CLVS1: variants seen among roughly 807,000 people sequenced by gnomAD.
CLVS1 encodes the protein clavesin-1.
A neutral mutation model predicts 33.1 loss-of-function variants in CLVS1; 10 were observed. The observed-to-expected ratio is 0.30, with a 90% confidence interval of 0.19 to 0.51. The LOEUF (loss-of-function observed/expected upper bound fraction) is 0.51, where lower values mean the gene tolerates loss of function less well. CLVS1 is among the 20% of genes least tolerant of loss of function. The pLI, the probability that CLVS1 is intolerant of heterozygous loss-of-function variation, is 0.97. For missense variants in CLVS1, 343 were observed against 433.4 expected, an observed-to-expected ratio of 0.79 and a Z score of 1.85; for synonymous variants, 163 against 166.1, an observed-to-expected ratio of 0.98 and a Z score of 0.14.
At chr8:61,317,568 A>G (rs911249736) in intron 2 of CLVS1, among the ~76,000 whole-genome samples, 1 of 152,100 alleles carries the variant, frequency 6.6e-6, no homozygotes, top group Non-Finnish European at 1.5e-5. Context: ...TTCCATCTCT[A>G]TTTCCACCAG....
chr8:60,984,895 A>C, the CLVS1 span, among the ~76,000 whole-genome samples: 1 of 152,118 alleles, frequency 6.6e-6, no homozygotes, highest in African/African-American at 2.4e-5. Flanking sequence ...TTCTTTCCCA[A>C]ATCCCTCCTC....
intron 5 of CLVS1, among the ~76,000 whole-genome samples, chr8:61,479,920 T>C (rs1024701980): frequency 6.6e-6 from 1 of 152,238 alleles, no homozygotes; most frequent in African/African-American, 2.4e-5. Context: ...CCGCAAATGC[T>C]GCTGCCTGAT....
At chr8:61,272,393 G>C (rs1251597218) in intron 2 of CLVS1, among the ~76,000 whole-genome samples, 4 of 152,118 alleles carry the variant, frequency 2.6e-5, no homozygotes, top group Non-Finnish European at 5.9e-5. Flanking sequence ...CCCTTTGAGG[G>C]TAACCCGACC....
the CLVS1 span, among the ~76,000 whole-genome samples, chr8:60,971,600 A>G: frequency 6.6e-6 from 1 of 151,996 alleles, no homozygotes; most frequent in Non-Finnish European, 1.5e-5. Context: ...TTGTTTACAC[A>G]TGTTTATTGG....
rs140704831 is a variant in CLVS1, at chr8:61,402,646, T to G, written c.630+25867T>G. On this transcript the variant is annotated intron_variant, in intron 3 of 5. Transcript: ENST00000325897. ...GACTCGTTTGTTAACAATTATTGTG[T>G]GCTAACAATATTCTAGGTACTGGGC... is the stretch of plus-strand genomic sequence containing the variant. Among the ~76,000 whole-genome samples, 432 of 152,354 alleles carry G rather than the reference T, an allele frequency of 2.8e-3. 1 individual carries two copies. The highest frequency in any genetic ancestry group is 9.9e-3 in the African/African-American group (413 of 41,584).
intron 1 of CLVS1, among the ~76,000 whole-genome samples, chr8:61,097,721 G>A (rs1327874922): frequency 6.6e-6 from 1 of 152,142 alleles, no homozygotes; most frequent in Non-Finnish European, 1.5e-5. Flanking sequence ...TGGAGGGTGG[G>A]ATCTGCTATT....
intron 3 of CLVS1, among the ~76,000 whole-genome samples, chr8:61,400,612 A>C (rs987592781): frequency 6.6e-6 from 1 of 152,210 alleles, no homozygotes; most frequent in East Asian, 1.9e-4. Context: ...TCTTGTGCCA[A>C]CTTTCAAGGG....
At chr8:61,055,035 A>T (rs1804452259), upstream of CLVS1, among the ~76,000 whole-genome samples, 1 of 152,152 alleles carries the variant, frequency 6.6e-6, no homozygotes, top group South Asian at 2.1e-4. Context: ...TTCATTATCT[A>T]ACTGTGGTTG....
chr8:61,309,593 G>GT (rs1429947981), intron 2 of CLVS1, among the ~76,000 whole-genome samples: 1 of 152,210 alleles, frequency 6.6e-6, no homozygotes, highest in African/African-American at 2.4e-5. Flanking sequence ...TAGAGGACAG[G>GT]TGCTTTTCCA....
intron 1 of CLVS1, among the ~76,000 whole-genome samples, chr8:61,291,251 G>A (rs1204364417): frequency 2.0e-5 from 3 of 152,158 alleles, no homozygotes; most frequent in Non-Finnish European, 4.4e-5. Flanking sequence ...AAAGTTCCCT[G>A]TGTGGTAGGC....
At chr8:61,122,801 C>CAAATAAATGACACAACATTTATAAG (rs1554537391) in intron 1 of CLVS1, among the ~76,000 whole-genome samples, 4 of 146,628 alleles carry the variant, frequency 2.7e-5, no homozygotes, top group East Asian at 2.0e-4. Flanking sequence ...AGCTTCAATC[C>CAAATAAATGACACAACATTTATAAG]TTTCCCAGCT....
chr8:61,123,790 T>C lies in CLVS1; in HGVS notation c.-242-7980T>C, dbSNP rs115162854. On this transcript the variant is annotated intron_variant, in intron 1 of 2. Transcript: ENST00000522621. ...CCCTGCTCACTCAGCCAGGCTGGCA[T>C]TGGCTTCCACTGGGCTTCAAACCCT... Among the ~76,000 whole-genome samples the C allele has an allele frequency of 9.4e-3, 1,431 of 152,294 alleles. 31 individuals carry two copies. Among genetic ancestry groups the C allele is most frequent in the African/African-American group, 0.033 (1,376 of 41,554 alleles).
intron 2 of CLVS1, among the ~76,000 whole-genome samples, chr8:61,322,332 T>C (rs1486648): frequency 0.42 from 64,188 of 152,072 alleles, 15,567 homozygotes; most frequent in East Asian, 0.64. Flanking sequence ...TGGCAAGCTC[T>C]TTCAAGTTCT....
chr8:61,257,648 G>A lies in CLVS1; in HGVS notation c.-151-42029G>A, dbSNP rs1428029188. ...TTTTTCCAAAGTTAAAGGGATGAGG[G>A]TTGGGAGACTTAGCTAGAAAAAGCT... On this transcript the variant is annotated intron_variant, in intron 2 of 2. Transcript: ENST00000522621. Among the ~76,000 whole-genome samples the A allele has an allele frequency of 2.6e-5, 4 of 152,204 alleles. No individual in the cohort carries two copies. The East Asian group carries it at 5.8e-4, about 22-fold the overall frequency.
intron 3 of CLVS1, among the ~76,000 whole-genome samples, chr8:61,445,602 ACCT>A (rs1816730930): frequency 6.6e-6 from 1 of 151,996 alleles, no homozygotes; most frequent in African/African-American, 2.4e-5. Flanking sequence ...AGCCAAATAA[ACCT>A]CCTTTTTTTT....
intron 1 of CLVS1, among the ~76,000 whole-genome samples, chr8:61,097,361 G>A (rs1327078866): frequency 6.6e-6 from 1 of 152,060 alleles, no homozygotes; most frequent in Non-Finnish European, 1.5e-5. Flanking sequence ...AAAACTCAGT[G>A]TATATGGTCA....
chr8:61,067,551 A>G (rs1286046555), intron 1 of CLVS1, among the ~76,000 whole-genome samples: 1 of 151,666 alleles, frequency 6.6e-6, no homozygotes. Flanking sequence ...AAAATCCACA[A>G]TAGTTCAAAC....
At chr8:61,278,515 T>G (rs919713358) in intron 2 of CLVS1, among the ~76,000 whole-genome samples, 1 of 152,214 alleles carries the variant, frequency 6.6e-6, no homozygotes, top group Non-Finnish European at 1.5e-5. Context: ...ATTCAAAATT[T>G]TTCTGATGTT....
At chr8:61,248,780 C>A (rs752920575) in intron 2 of CLVS1, among the ~76,000 whole-genome samples, 7 of 152,028 alleles carry the variant, frequency 4.6e-5, no homozygotes, top group Non-Finnish European at 8.8e-5. Context: ...ACCCAGAAGT[C>A]CTCTCTTATT....
Sources: allele counts gnomAD v4.1 joint callset (sites outside exome capture counted in the v4.1 genomes callset), GRCh38; gene constraint gnomAD v4.1.1; transcripts MANE v1.5; gene names NCBI Gene and HGNC (gene_info 2026-07-23, HGNC 2026-07-21).